Variants in ARHGAP15 observed in about 807,000 individuals in gnomAD.
ARHGAP15 encodes the protein rho GTPase-activating protein 15.
A neutral mutation model predicts 63.7 loss-of-function variants in ARHGAP15; 51 were observed. The observed-to-expected ratio is 0.80, with a 90% CI of 0.64 to 1.01. The LOEUF is 1.01. Among genes scored for constraint, ARHGAP15 ranks in the 50% least tolerant of loss-of-function variants. The pLI is 0.00. For missense variants in ARHGAP15, 560 were observed against 564.6 expected, an observed-to-expected ratio of 0.99 and a Z score of 0.08; for synonymous variants, 191 against 193.8, an observed-to-expected ratio of 0.99 and a Z score of 0.12.
chr2:143,461,013 G>T (rs980550664), intron 8 of ARHGAP15, among the ~76,000 whole-genome samples: 2 of 152,110 alleles, frequency 1.3e-5, no homozygotes, highest in African/African-American at 4.8e-5. Flanking sequence ...GACTTGGCTG[G>T]GCATGGTGGC....
rs1694809592 is a variant in ARHGAP15 at position 143,537,147 on chromosome 2, CA to C, written c.925+17784del. Among the ~76,000 whole-genome samples, 4 of 152,280 alleles carry C rather than the reference CA, an allele frequency of 2.6e-5. No individual in the cohort carries two copies. The Middle Eastern group carries it at 0.014, about 518-fold the overall frequency. ...TGGCCAGTGATGATGAGCATTTTTT[CA>C]TGTGTTTTTTGGCTGCATAAATGTC... is the stretch of plus-strand genomic sequence containing the variant. On this transcript the variant is annotated intron_variant, in intron 10 of 13. Coordinates refer to ENST00000295095, the MANE Select transcript of ARHGAP15 (RefSeq NM_018460.4).
At chr2:143,459,043 G>C (rs944319436) in intron 8 of ARHGAP15, among the ~76,000 whole-genome samples, 3 of 152,066 alleles carry the variant, frequency 2.0e-5, no homozygotes, top group Non-Finnish European at 4.4e-5. Context: ...AATGCTTGGA[G>C]GCATAGTTGT....
intron 11 of ARHGAP15, among the ~76,000 whole-genome samples, chr2:143,557,791 G>T (rs75204650): frequency 0.31 from 47,326 of 151,676 alleles, 7,866 homozygotes; most frequent in East Asian, 0.42. Context: ...TCTAAAAGAA[G>T]TCTATTAATT....
At chr2:143,454,706 T>C (rs1690564993) in intron 8 of ARHGAP15, among the ~76,000 whole-genome samples, 1 of 152,234 alleles carries the variant, frequency 6.6e-6, no homozygotes, top group Admixed American at 6.6e-5. Context: ...TTTTTCTGTG[T>C]TGTAATATAT....
At chr2:143,539,331 C>T (rs1418432991) in intron 10 of ARHGAP15, among the ~76,000 whole-genome samples, 2 of 143,718 alleles carry the variant, frequency 1.4e-5, no homozygotes, top group Non-Finnish European at 3.0e-5. Context: ...AAAAAACCAG[C>T]TCCTGGATTC....
chr2:143,360,817 A>G (rs1686017300), intron 6 of ARHGAP15, among the ~76,000 whole-genome samples: 2 of 152,356 alleles, frequency 1.3e-5, no homozygotes, highest in South Asian at 4.1e-4. Flanking sequence ...TAATTATCAA[A>G]TAAGAGATTC....
rs1196343452 is a variant in ARHGAP15 at position 143,435,547 on chromosome 2, T to C, written c.475-54T>C. On this transcript the variant is annotated intron_variant, in intron 6 of 13. Coordinates refer to ENST00000295095, the MANE Select transcript of ARHGAP15 (RefSeq NM_018460.4). ...AGGATTTTTACATGTAAGAGATCTA[T>C]CTTACATAGTTTCTTTACCTGTCTA... 13 of 1,502,390 alleles carry C rather than the reference T, an allele frequency of 8.7e-6. 1 individual carries two copies. Among genetic ancestry groups the C allele is most frequent in the Non-Finnish European group, 1.1e-5 (13 of 1,136,708 alleles). The allele number at this position is 1,502,390 out of a possible 1,614,324, so 93.1% of individuals were successfully genotyped here.
At chr2:143,470,963 A>ATG (rs70982871) in intron 8 of ARHGAP15, among the ~76,000 whole-genome samples, 28,187 of 147,876 alleles carry the variant, frequency 0.19, 3,293 homozygotes, top group East Asian at 0.48. Flanking sequence ...TGTGTATCAT[A>ATG]TGTGTGTACA....
intron 13 of ARHGAP15, among the ~76,000 whole-genome samples, chr2:143,725,687 T>A: frequency 6.6e-6 from 1 of 152,230 alleles, no homozygotes; most frequent in East Asian, 1.9e-4. Flanking sequence ...TCCTCAAGAT[T>A]TTTTAAGGAC....
At chr2:143,574,010 A>G (rs1447876881) in intron 11 of ARHGAP15, among the ~76,000 whole-genome samples, 1 of 152,182 alleles carries the variant, frequency 6.6e-6, no homozygotes, top group Non-Finnish European at 1.5e-5. Context: ...GAAAATGTGC[A>G]TTATCAGTGG....
At chr2:143,467,242 CTTTTTTTTTTTT>C (rs202115707) in intron 8 of ARHGAP15, among the ~76,000 whole-genome samples, 1 of 57,896 alleles carries the variant, frequency 1.7e-5, no homozygotes, top group Non-Finnish European at 3.0e-5. Context: ...ACTCCATGGC[CTTTTTTTTTTTT>C]TTTTTTTTTT....
intron 2 of ARHGAP15, among the ~76,000 whole-genome samples, chr2:143,189,808 G>A (rs138787723): frequency 6.6e-6 from 1 of 151,758 alleles, no homozygotes; most frequent in African/African-American, 2.4e-5. Flanking sequence ...TGATATTTTT[G>A]GGTTAGCTAT....
chr2:143,371,361 A>G (rs1006827170), intron 6 of ARHGAP15, among the ~76,000 whole-genome samples: 1 of 152,174 alleles, frequency 6.6e-6, no homozygotes, highest in Admixed American at 6.5e-5. Context: ...AACAATGAAG[A>G]AAGAGTTTTA....
intron 6 of ARHGAP15, among the ~76,000 whole-genome samples, chr2:143,293,756 CA>C (rs911188673): frequency 2.0e-5 from 3 of 152,056 alleles, no homozygotes; most frequent in Non-Finnish European, 4.4e-5. Flanking sequence ...ATATGTTTTG[CA>C]ACTATTAAGT....
intron 6 of ARHGAP15, among the ~76,000 whole-genome samples, chr2:143,271,809 T>C (rs1355320795): frequency 6.6e-6 from 1 of 152,204 alleles, no homozygotes; most frequent in Non-Finnish European, 1.5e-5. Flanking sequence ...TCAAATCTAC[T>C]TGAGTTCTAA....
intron 11 of ARHGAP15, among the ~76,000 whole-genome samples, chr2:143,618,868 G>A (rs945053382): frequency 2.6e-5 from 4 of 151,116 alleles, no homozygotes; most frequent in Non-Finnish European, 2.9e-5. Context: ...GTCTCGCTCC[G>A]TCACCGAGGC....
rs1255476980 is a variant in ARHGAP15, at chr2:143,242,118, G to A, written c.385-8393G>A. Among the ~76,000 whole-genome samples, 4 of 152,162 alleles carry A rather than the reference G, an allele frequency of 2.6e-5. No homozygotes were observed. In the East Asian group the frequency reaches 7.7e-4, roughly 29 times the overall value. On this transcript the variant is annotated intron_variant, in intron 5 of 13. Transcript: ENST00000295095. Reference sequence around the variant, plus strand: ...CTTCAGTCGGACCTGCCTCAGCCATGGGAGGCTACTCAGAAAGCCAGGTCC... The same window carrying A: ...CTTCAGTCGGACCTGCCTCAGCCATAGGAGGCTACTCAGAAAGCCAGGTCC...
intron 11 of ARHGAP15, among the ~76,000 whole-genome samples, chr2:143,568,774 C>T (rs140536254): frequency 3.9e-4 from 59 of 152,276 alleles, no homozygotes; most frequent in Middle Eastern, 3.4e-3. Flanking sequence ...AGATGTCCAT[C>T]ATTAGTAGAC....
In ARHGAP15 at chr2:143,643,544, C is replaced by T. The variant is rs149275819; in HGVS notation, c.1138+19277C>T. On this transcript the variant is annotated intron_variant, in intron 12 of 13. Coordinates refer to ENST00000295095, the MANE Select transcript of ARHGAP15 (RefSeq NM_018460.4). ...GTAAATTTGAGGTCCCCACTCCAGA[C>T]CTCCTTTATGATAACCAGTGAATAT... Among the ~76,000 whole-genome samples, 333 of 151,580 alleles carry T rather than the reference C, an allele frequency of 2.2e-3. 1 individual carries two copies. The highest frequency in any genetic ancestry group is 7.5e-3 in the African/African-American group (310 of 41,356).
Sources: allele counts gnomAD v4.1 joint callset (sites outside exome capture counted in the v4.1 genomes callset), GRCh38; gene constraint gnomAD v4.1.1; transcripts MANE v1.5; gene names NCBI Gene and HGNC (gene_info 2026-07-23, HGNC 2026-07-21).